RIMBP2: variants seen among roughly 807,000 people sequenced by gnomAD.
RIMBP2 encodes the protein RIMS binding protein 2, also known as RIMS-binding protein 2.
Under a neutral mutation model 118.6 loss-of-function variants are expected in RIMBP2, and 48 were observed. That is an observed-to-expected ratio of 0.40 (90% CI 0.32 to 0.51). The LOEUF is 0.51. Ranked by LOEUF, RIMBP2 falls within the 20% of genes least tolerant of loss-of-function variation. The pLI is 0.41. For missense variants in RIMBP2, 1,551 were observed against 1,768.3 expected, an observed-to-expected ratio of 0.88 and a Z score of 2.20; for synonymous variants, 762 against 742.9, an observed-to-expected ratio of 1.03 and a Z score of -0.42.
chr12:130,640,539 C>T (rs1156596622), intron 1 of RIMBP2, among the ~76,000 whole-genome samples: 1 of 152,210 alleles, frequency 6.6e-6, no homozygotes, highest in South Asian at 2.1e-4. Flanking sequence ...ATTTTGAGAG[C>T]TTCCTCTGTA....
chr12:130,603,933 T>G (rs974890006), intron 2 of RIMBP2, among the ~76,000 whole-genome samples: 2 of 79,994 alleles, frequency 2.5e-5, no homozygotes, highest in Non-Finnish European at 5.1e-5. Context: ...GTACTCCTAC[T>G]TATAAAATAA....
At position 130,511,902 on chromosome 12, in the gene RIMBP2, C is replaced by T. The variant is rs2138938693; in HGVS notation, c.-126-5132G>A. 6.6e-6 allele frequency among the ~76,000 whole-genome samples: 1 copy of T among 152,258 alleles called. No individual in the cohort carries two copies. Among genetic ancestry groups the T allele is most frequent in the Admixed American group, 6.5e-5 (1 of 15,302 alleles). On this transcript the variant is annotated intron_variant, in intron 3 of 22. Coordinates refer to ENST00000690449, the MANE Select transcript of RIMBP2 (RefSeq NM_001393629.1). The surrounding 1 kb of genome is among the most constrained non-coding windows in gnomAD (Gnocchi z 4.3). ...CCTGGCTCCTTCTCCAGGCAGCTGC[C>T]TCTGGCCAGGGTCACCACCTCTGGG...
At chr12:130,429,237 C>A (rs1368686506) in intron 14 of RIMBP2, 1 of 152,298 alleles carries the variant, frequency 6.6e-6, no homozygotes, top group African/African-American at 2.4e-5. Context: ...CCGGGCCCAG[C>A]TCAGCCTCAG....
At chr12:130,497,663 G>A (rs999617067) in intron 4 of RIMBP2, among the ~76,000 whole-genome samples, 1 of 152,176 alleles carries the variant, frequency 6.6e-6, no homozygotes, top group Non-Finnish European at 1.5e-5. Context: ...AAAAACACAT[G>A]AGGCTTTTTT....
intron 1 of RIMBP2, among the ~76,000 whole-genome samples, chr12:130,672,627 C>T (rs6486565): frequency 0.3 from 45,581 of 152,066 alleles, 7,450 homozygotes; most frequent in Non-Finnish European, 0.39. Flanking sequence ...CAGATTTTAA[C>T]AGCAAAACCT....
At chr12:130,520,802 G>C (rs969456487) in intron 2 of RIMBP2, among the ~76,000 whole-genome samples, 2 of 151,964 alleles carry the variant, frequency 1.3e-5, no homozygotes, top group Admixed American at 1.3e-4. Context: ...TGATGGTAAA[G>C]GAAACCCATT....
At chr12:130,657,617 A>G (rs988686904) in intron 1 of RIMBP2, among the ~76,000 whole-genome samples, 1 of 152,016 alleles carries the variant, frequency 6.6e-6, no homozygotes, top group Non-Finnish European at 1.5e-5. Context: ...TGACCCGCAG[A>G]AGGGCTGTGC....
chr12:130,688,483 A>G lies in RIMBP2; in HGVS notation c.-352+27739T>C, dbSNP rs2065163007. On this transcript the variant is annotated intron_variant, in intron 1 of 22. Transcript: ENST00000690449. The surrounding 1 kb of genome is among the most constrained non-coding windows in gnomAD (Gnocchi z 4.7). ...TTGACATTGAGTGAACATACACACC[A>G]CTGTCCCTCCGTGGGGGCGGCCATG... Among the ~76,000 whole-genome samples the G allele has an allele frequency of 6.6e-6, 1 of 152,128 alleles. No homozygotes were observed. Among genetic ancestry groups the G allele is most frequent in the African/African-American group, 2.4e-5 (1 of 41,436 alleles).
chr12:130,544,555 G>A (rs1005002297), intron 2 of RIMBP2, among the ~76,000 whole-genome samples: 4 of 145,990 alleles, frequency 2.7e-5, no homozygotes, highest in Non-Finnish European at 6.0e-5. Context: ...AGGCAGCAGA[G>A]TGTTATAATC....
chr12:130,483,613 G>A (rs1431226579), intron 4 of RIMBP2, among the ~76,000 whole-genome samples: 1 of 146,754 alleles, frequency 6.8e-6, no homozygotes, highest in Non-Finnish European at 1.5e-5. Context: ...GTGGAAGGCG[G>A]GATACACAGT....
intron 2 of RIMBP2, among the ~76,000 whole-genome samples, chr12:130,534,875 C>G (rs7309845): frequency 0.81 from 123,733 of 152,216 alleles, 50,557 homozygotes; most frequent in East Asian, 0.97. Context: ...GTCTAGGAAA[C>G]GGTCTATCAC....
At chr12:130,507,146 C>G (rs185710811) in intron 3 of RIMBP2, among the ~76,000 whole-genome samples, 1 of 152,126 alleles carries the variant, frequency 6.6e-6, no homozygotes, top group Non-Finnish European at 1.5e-5. Context: ...TATAGGAACC[C>G]GGAAGAACTC....
intron 1 of RIMBP2, among the ~76,000 whole-genome samples, chr12:130,662,696 C>A (rs1188671595): frequency 6.6e-6 from 1 of 152,002 alleles, no homozygotes; most frequent in Non-Finnish European, 1.5e-5. Context: ...TAGCTCACAC[C>A]TGTAATCCCA....
chr12:130,507,134 T>G (rs529706562), intron 3 of RIMBP2, among the ~76,000 whole-genome samples: 1 of 152,320 alleles, frequency 6.6e-6, no homozygotes, highest in Admixed American at 6.5e-5. Context: ...ATCTTGCACT[T>G]GTATAGGAAC....
intron 6 of RIMBP2, among the ~76,000 whole-genome samples, chr12:130,464,110 C>T (rs1008347025): frequency 3.3e-5 from 5 of 152,144 alleles, no homozygotes; most frequent in African/African-American, 7.2e-5. Context: ...AACAATCTAC[C>T]CCTTTTCAGC....
chr12:130,449,903 G>T (rs971991250), intron 9 of RIMBP2, among the ~76,000 whole-genome samples: 3 of 152,036 alleles, frequency 2.0e-5, no homozygotes, highest in African/African-American at 7.2e-5. Context: ...GCCCTCGGAG[G>T]GCGAGACCCT....
chr12:130,633,514 C>T (rs373737363), intron 1 of RIMBP2, among the ~76,000 whole-genome samples: 2 of 152,134 alleles, frequency 1.3e-5, no homozygotes, highest in African/African-American at 2.4e-5. Context: ...AACTGATCCT[C>T]GAGACCAAGG....
chr12:130,593,139 C>T (rs1416275343), intron 2 of RIMBP2, among the ~76,000 whole-genome samples: 1 of 152,232 alleles, frequency 6.6e-6, no homozygotes, highest in Non-Finnish European at 1.5e-5. Flanking sequence ...TCTCCACCAG[C>T]CCATTCTCAC....
At chr12:130,496,099 G>A (rs546933467) in intron 4 of RIMBP2, among the ~76,000 whole-genome samples, 6 of 152,286 alleles carry the variant, frequency 3.9e-5, no homozygotes, top group African/African-American at 1.4e-4. Context: ...ATACGGTTTG[G>A]CTGTGCCCCA....
Sources: allele counts gnomAD v4.1 joint callset (sites outside exome capture counted in the v4.1 genomes callset), GRCh38; gene constraint gnomAD v4.1.1; non-coding constraint Gnocchi (gnomAD v3.1); transcripts MANE v1.5; gene names NCBI Gene and HGNC (gene_info 2026-07-23, HGNC 2026-07-21).